The following MAPK1IP1L variants were observed in gnomAD, a reference collection of about 807,000 sequenced individuals.
MAPK1IP1L encodes mitogen-activated protein kinase 1 interacting protein 1 like.
Under a neutral mutation model 18.1 loss-of-function variants are expected in MAPK1IP1L, and 10 were observed. The observed-to-expected ratio is 0.55, with a 90% CI of 0.34 to 0.94. The LOEUF is 0.94. Ranked by LOEUF, MAPK1IP1L falls within the 40% of genes least tolerant of loss-of-function variation. The probability of loss-of-function intolerance (pLI) is 0.02; values close to 1 mark genes in which losing one functional copy is unlikely to be tolerated. For synonymous variants in MAPK1IP1L, 115 were observed against 117.3 expected, an observed-to-expected ratio of 0.98 and a Z score of 0.13; for missense variants, 260 against 318.2, an observed-to-expected ratio of 0.82 and a Z score of 1.39.
chr14:55,053,404 T>C (rs2042745852), intron 1 of MAPK1IP1L, among the ~76,000 whole-genome samples: 1 of 152,214 alleles, frequency 6.6e-6, no homozygotes, highest in African/African-American at 2.4e-5. Flanking sequence ...AAAAGAGAAT[T>C]TGGTATTTGT....
At chr14:55,061,862 CAA>C (rs2042820405) in intron 2 of MAPK1IP1L, among the ~76,000 whole-genome samples, 161 bp downstream of exon 2, 1 of 152,162 alleles carries the variant, frequency 6.6e-6, no homozygotes, top group Non-Finnish European at 1.5e-5. Context: ...CCCTTGACCC[CAA>C]GAGTTTCAGG....
At chr14:55,054,835 A>G (rs1445591611) in intron 1 of MAPK1IP1L, among the ~76,000 whole-genome samples, 1 of 152,228 alleles carries the variant, frequency 6.6e-6, no homozygotes, top group Non-Finnish European at 1.5e-5. Flanking sequence ...AACAGCCATG[A>G]GAGTTTCCAA....
rs375296592 is a variant in MAPK1IP1L at position 55,062,763 on chromosome 14, C to T, written c.164C>T (p.Pro55Leu). 14 of 1,614,194 alleles carry T rather than the reference C, an allele frequency of 8.7e-6. No individual in the cohort carries two copies. The highest frequency in any genetic ancestry group is 5.0e-5 in the Admixed American group (3 of 60,032). The change falls in exon 3 of 4, where the codon CCA (proline) becomes CTA (leucine). Residue 55 changes from proline (P) to leucine (L), a missense_variant. By Grantham distance (98) the Pro-to-Leu change is moderately conservative (BLOSUM62 -3). Transcript: ENST00000395468. ...TCTTCAGTGCCATCTGGACTCCCAC[C>T]AAGTGCAACACCCTCCACTGTGCCT... ...APSSVPSGLP[P>L]SATPSTVPFG...
Position 55,062,569 on chromosome 14 carries a change from G to A in MAPK1IP1L, c.19-49G>A, listed in dbSNP as rs755837335. ...TCTCTGTGGGTTTATAATGGTGTTC[G>A]ATGTAACTTTTCCCTAGATAGGAAA... On this transcript the variant is annotated intron_variant, in intron 2 of 3. Coordinates refer to ENST00000395468, the MANE Select transcript of MAPK1IP1L (RefSeq NM_144578.4). 4.9e-5 allele frequency: 71 copies of A among 1,452,912 alleles called. No homozygotes were observed. In the South Asian group the frequency reaches 8.1e-4, roughly 17 times the overall value. The allele number at this position is 1,452,912 out of a possible 1,614,324, so 90.0% of individuals were successfully genotyped here. A position where few individuals can be genotyped will look rare whatever the true frequency, so the allele number is the denominator to read the frequency against.
rs544348872 is a variant in MAPK1IP1L at position 55,061,352 on chromosome 14, G to A, written c.-4-328G>A. 2.6e-5 allele frequency among the ~76,000 whole-genome samples: 4 copies of A among 152,164 alleles called. No individual in the cohort carries two copies. The South Asian group carries it at 8.3e-4, about 32-fold the overall frequency. On this transcript the variant is annotated intron_variant, in intron 1 of 3. Transcript: ENST00000395468. ...ATTCCATGTCCAGTGCTTTTTCCTG[G>A]TGTTAGATTCTCACACACAAACAAA...
rs757150712 is a variant in MAPK1IP1L at position 55,062,706 on chromosome 14, G to A, written c.107G>A (p.Gly36Asp). Residue 36 changes from glycine to aspartate, a missense_variant, in exon 3 of 4, where the codon GGC becomes GAC. Physicochemically the swap from Gly to Asp is moderately conservative, Grantham distance 94. Coordinates refer to ENST00000395468, the MANE Select transcript of MAPK1IP1L (RefSeq NM_144578.4). Reference sequence around the variant, plus strand: ...GGCCAACCTCCTCAAGGCTGGCCAGGCTCCAACCCTTGGAATAATCCGAGT... The same window carrying A: ...GGCCAACCTCCTCAAGGCTGGCCAGACTCCAACCCTTGGAATAATCCGAGT... ...KPGQPPQGWP[G>D]SNPWNNPSAP... 2 of 1,614,012 alleles carry A rather than the reference G, an allele frequency of 1.2e-6. No individual in the cohort carries two copies. The highest frequency in any genetic ancestry group is 2.7e-5 in the African/African-American group (2 of 74,886).
In MAPK1IP1L at chr14:55,066,703, A is replaced by G. The variant is rs183817258; in HGVS notation, c.*2076A>G. 1 of 152,332 alleles carries G rather than the reference A, an allele frequency of 6.6e-6. No individual in the cohort carries two copies. The highest frequency in any genetic ancestry group is 1.9e-4 in the East Asian group (1 of 5,184). 9.4% of individuals were successfully genotyped at this position (152,332 alleles called of 1,614,324 possible). A position where few individuals can be genotyped will look rare whatever the true frequency, so the allele number is the denominator to read the frequency against. ...GAAGAGATAGCAGGTTTGGGAATCTATAATTATGAAGTCCATTGATTTTGG... is the reference window on the plus strand; with the variant it reads ...GAAGAGATAGCAGGTTTGGGAATCTGTAATTATGAAGTCCATTGATTTTGG... On this transcript the variant is annotated 3_prime_UTR_variant, in exon 4 of 4. Transcript: ENST00000395468.
At chr14:55,052,188 C>T (rs886717215) in intron 1 of MAPK1IP1L, among the ~76,000 whole-genome samples, 1 of 151,694 alleles carries the variant, frequency 6.6e-6, no homozygotes, top group Non-Finnish European at 1.5e-5. Context: ...TCCCGGACTC[C>T]CTTTGTTCGT....
chr14:55,059,073 C>A (rs2042793564), intron 1 of MAPK1IP1L, among the ~76,000 whole-genome samples: 1 of 151,614 alleles, frequency 6.6e-6, no homozygotes, highest in African/African-American at 2.4e-5. Flanking sequence ...AGGGACTATA[C>A]TATACCTTGT....
chr14:55,061,793 A>G lies in MAPK1IP1L; in HGVS notation c.18+92A>G, dbSNP rs2042820056. 3.0e-5 allele frequency: 32 copies of G among 1,051,846 alleles called. No individual in the cohort carries two copies. In the South Asian group the frequency reaches 4.7e-4, roughly 15 times the overall value. 65.2% of individuals were successfully genotyped at this position (1,051,846 alleles called of 1,614,324 possible). A position where few individuals can be genotyped will look rare whatever the true frequency, so the allele number is the denominator to read the frequency against. ...GGCTACGTAAATCTTTTCACTTAAA[A>G]GAGATGCTTTAACCAGGCATGGTGG... is the stretch of plus-strand genomic sequence containing the variant. On this transcript the variant is annotated intron_variant, in intron 2 of 3. Coordinates refer to ENST00000395468, the MANE Select transcript of MAPK1IP1L (RefSeq NM_144578.4).
At chr14:55,056,018 A>T (rs2042768673) in intron 1 of MAPK1IP1L, among the ~76,000 whole-genome samples, 2 of 152,186 alleles carry the variant, frequency 1.3e-5, no homozygotes, top group Admixed American at 6.5e-5. Flanking sequence ...ACCACAGATA[A>T]GGGGGGATCA....
At chr14:55,053,988 C>T (rs183340198) in intron 1 of MAPK1IP1L, among the ~76,000 whole-genome samples, 59 of 152,182 alleles carry the variant, frequency 3.9e-4, no homozygotes, top group Non-Finnish European at 5.6e-4. Context: ...ACCAGTTGAG[C>T]ATCCAAAATC....
At chr14:55,051,943 C>G (rs1179506204) in intron 1 of MAPK1IP1L, 140 bp downstream of exon 1, 1 of 370,178 alleles carries the variant, frequency 2.7e-6, no homozygotes, top group Non-Finnish European at 5.3e-6. Context: ...GGGCCGTGGT[C>G]GCCTGCCTGG....
intron 1 of MAPK1IP1L, among the ~76,000 whole-genome samples, chr14:55,055,729 G>A (rs554079504): frequency 6.6e-6 from 1 of 152,132 alleles, no homozygotes; most frequent in Admixed American, 6.5e-5. Context: ...CCAGGAGTTT[G>A]AGACCAGCCT....
rs765467653 is a variant in MAPK1IP1L at position 55,062,925 on chromosome 14, G to T, written c.326G>T (p.Gly109Val). The change falls in exon 3 of 4, where the codon GGC becomes GTC. Residue 109 changes from glycine (G) to valine (V), a missense_variant. By Grantham distance (109) the Gly-to-Val change is moderately radical. Transcript: ENST00000395468. The stretch of plus-strand genomic sequence containing the variant: ...CCTTATCCAGCCCCAACTGTGCCGG[G>T]CCCTGGCCCCACAGGGCCATATCCT... The part of the protein sequence containing the change: ...GGPYPAPTVP[G>V]PGPTGPYPTP... 61 of 1,613,972 alleles carry T rather than the reference G, an allele frequency of 3.8e-5. No individual in the cohort carries two copies. The highest frequency in any genetic ancestry group is 1.7e-4 in the Middle Eastern group (1 of 6,060).
At chr14:55,056,878 T>C (rs1019867729) in intron 1 of MAPK1IP1L, among the ~76,000 whole-genome samples, 3 of 152,192 alleles carry the variant, frequency 2.0e-5, no homozygotes, top group Non-Finnish European at 4.4e-5. Flanking sequence ...TCCTTTATGT[T>C]CTTGTCCTTT....
chr14:55,059,203 A>G (rs2042795032), intron 1 of MAPK1IP1L, among the ~76,000 whole-genome samples: 1 of 148,438 alleles, frequency 6.7e-6, no homozygotes, highest in Non-Finnish European at 1.5e-5. Flanking sequence ...TCTGGAAAAA[A>G]TAAAAATACA....
chr14:55,057,167 G>A (rs2042778554), intron 1 of MAPK1IP1L, among the ~76,000 whole-genome samples: 1 of 152,172 alleles, frequency 6.6e-6, no homozygotes, highest in Non-Finnish European at 1.5e-5. Context: ...AGGAGAGTTG[G>A]AGCAAGACCT....
chr14:55,062,536 G>A (rs2042825566), intron 2 of MAPK1IP1L, 82 bp from the exon 3 acceptor site: 1 of 1,118,242 alleles, frequency 8.9e-7, no homozygotes, highest in Non-Finnish European at 1.3e-6. Flanking sequence ...GCCCCTATAG[G>A]TTACTATTCT....
Sources: allele counts gnomAD v4.1 joint callset (sites outside exome capture counted in the v4.1 genomes callset), GRCh38; gene constraint gnomAD v4.1.1; transcripts MANE v1.5; gene names NCBI Gene and HGNC (gene_info 2026-07-23, HGNC 2026-07-21).